The following IGDCC4 variants were observed in gnomAD, a reference collection of about 807,000 sequenced individuals.
The protein encoded by IGDCC4 is likely ortholog of mouse neighbor of Punc E11.
In IGDCC4, 72 loss-of-function variants were observed where a neutral mutation model predicts 116.6. That is an observed-to-expected ratio of 0.62 (90% CI 0.51 to 0.75). IGDCC4 has a LOEUF of 0.75. Among genes scored for constraint, IGDCC4 ranks in the 30% least tolerant of loss-of-function variants. The pLI is 0.00. For synonymous variants in IGDCC4, 709 were observed against 719.9 expected, an observed-to-expected ratio of 0.98 and a Z score of 0.24; for missense variants, 1,501 against 1,662.4, an observed-to-expected ratio of 0.90 and a Z score of 1.69.
At chr15:65,388,717 C>T (rs1362697430) in intron 15 of IGDCC4, 91 bp downstream of exon 15, 8 of 1,595,824 alleles carry the variant, frequency 5.0e-6, no homozygotes, top group Non-Finnish European at 6.8e-6. Flanking sequence ...TCCCAGTAGC[C>T]CCTGGAACAA....
intron 5 of IGDCC4, among the ~76,000 whole-genome samples, chr15:65,400,519 C>G (rs773023108): frequency 5.3e-5 from 8 of 152,198 alleles, no homozygotes; most frequent in Non-Finnish European, 1.2e-4. Flanking sequence ...GGTGGAGAAC[C>G]TAGCTCAGCA....
chr15:65,399,522 A>G (rs1262469460), intron 5 of IGDCC4, among the ~76,000 whole-genome samples: 2 of 151,900 alleles, frequency 1.3e-5, no homozygotes, highest in East Asian at 1.9e-4. Flanking sequence ...TGCAGTTTTA[A>G]TAAGTCCCCT....
chr15:65,412,965 A>G (rs2140236222), intron 1 of IGDCC4, among the ~76,000 whole-genome samples: 1 of 151,928 alleles, frequency 6.6e-6, no homozygotes, highest in East Asian at 1.9e-4. Context: ...ACACACACAC[A>G]CAGGCTAGAA....
chr15:65,411,299 C>T lies in IGDCC4; in HGVS notation c.142G>A (p.Gly48Ser), dbSNP rs774052493. Residue 48 changes from glycine to serine, a missense_variant, in exon 2 of 20, where the codon GGC becomes AGC. This residue lies in a region of IGDCC4 where 898 missense variants were observed against 978.9 expected (regional missense o/e 0.92). Coordinates refer to ENST00000352385, the MANE Select transcript of IGDCC4 (RefSeq NM_020962.3). Reference protein sequence around the residue: ...CGVGPLQVILGPEQAAVLNCS... With the variant: ...CGVGPLQVILSPEQAAVLNCS... The stretch of plus-strand genomic sequence containing the variant: ...TTTAGCACTGCAGCCTGCTCTGGGC[C>T]CAGGATCACTTGCAGTGGCCCCACT... 2 of 1,610,930 alleles carry T rather than the reference C, an allele frequency of 1.2e-6. No individual in the cohort carries two copies. The highest frequency in any genetic ancestry group is 2.2e-5 in the East Asian group (1 of 44,808).
At chr15:65,414,025 AAACATAGCTCTGCACTCCTAAAC>A in intron 1 of IGDCC4, among the ~76,000 whole-genome samples, 1 of 152,244 alleles carries the variant, frequency 6.6e-6, no homozygotes, top group East Asian at 1.9e-4. Context: ...ACAAATTGGT[AAACATAGCTCTGCACTCCTAAAC>A]ACATGCGCCT....
rs926919757 is a variant in IGDCC4, at chr15:65,384,875, C to G, written c.3342+79G>C. The stretch of plus-strand genomic sequence containing the variant: ...CAGGAAAGTTACCACCCAGGGGTCT[C>G]CAGAGAACTCATTACTTCCTCTTCA... On this transcript the variant is annotated intron_variant, in intron 19 of 19. Coordinates refer to ENST00000352385, the MANE Select transcript of IGDCC4 (RefSeq NM_020962.3). This position sits in a 1 kb window ranked among gnomAD's most constrained non-coding sequence, Gnocchi z 4.9. 98 of 1,524,826 alleles carry G rather than the reference C, an allele frequency of 6.4e-5. No individual in the cohort carries two copies. The South Asian group carries it at 1.2e-3, about 18-fold the overall frequency. 94.5% of individuals were successfully genotyped at this position (1,524,826 alleles called of 1,614,324 possible).
chr15:65,392,737 G>A (rs1430699842), intron 10 of IGDCC4, among the ~76,000 whole-genome samples: 1 of 152,316 alleles, frequency 6.6e-6, no homozygotes, highest in Non-Finnish European at 1.5e-5. Context: ...GGCAGTGGGG[G>A]TGGTGGTTGC....
At chr15:65,389,191 A>C (rs1265588101) in intron 14 of IGDCC4, 93 bp downstream of exon 14, 1 of 1,542,678 alleles carries the variant, frequency 6.5e-7, no homozygotes, top group African/African-American at 1.4e-5. Context: ...GCTCTGCCCA[A>C]ACCTTGGGGT....
At chr15:65,396,695 CT>C in intron 6 of IGDCC4, 138 bp downstream of exon 6, 1 of 1,110,370 alleles carries the variant, frequency 9.0e-7, no homozygotes, top group African/African-American at 1.6e-5. Context: ...CCACCTCCGC[CT>C]TACTAGGGAC....
At chr15:65,392,723 T>C (rs1359649516) in intron 10 of IGDCC4, among the ~76,000 whole-genome samples, 1 of 151,914 alleles carries the variant, frequency 6.6e-6, no homozygotes, top group African/African-American at 2.4e-5. Context: ...GATCAAACAC[T>C]GGGGGCAGTG....
At chr15:65,405,569 A>G (rs958058186) in intron 3 of IGDCC4, among the ~76,000 whole-genome samples, 3 of 74,358 alleles carry the variant, frequency 4.0e-5, no homozygotes, top group Admixed American at 2.5e-4. Flanking sequence ...TGACCCTCTT[A>G]TTGTGTTTTG....
At chr15:65,399,259 C>CT (rs2062960044) in intron 5 of IGDCC4, among the ~76,000 whole-genome samples, 1 of 151,836 alleles carries the variant, frequency 6.6e-6, no homozygotes, top group African/African-American at 2.4e-5. Flanking sequence ...TTGTTTAAGC[C>CT]CAGGAGTTTG....
intron 1 of IGDCC4, among the ~76,000 whole-genome samples, chr15:65,414,930 A>C (rs1219444849): frequency 6.6e-6 from 1 of 152,078 alleles, no homozygotes; most frequent in Non-Finnish European, 1.5e-5. Flanking sequence ...TGGAAGATCC[A>C]GTGCTCTGGA....
chr15:65,413,010 A>G (rs1028137646), intron 1 of IGDCC4, among the ~76,000 whole-genome samples: 2 of 144,814 alleles, frequency 1.4e-5, no homozygotes, highest in Non-Finnish European at 3.0e-5. Flanking sequence ...AAAATGTATT[A>G]TAAGTGTGAG....
intron 18 of IGDCC4, chr15:65,385,540 G>GCTCT (rs2091447408): frequency 3.5e-6 from 2 of 563,890 alleles, no homozygotes; most frequent in African/African-American, 3.8e-5. Context: ...GGGTCTCAGA[G>GCTCT]GTCTCCCCAG....
intron 1 of IGDCC4, among the ~76,000 whole-genome samples, chr15:65,417,004 G>T (rs2063151243): frequency 6.6e-6 from 1 of 152,114 alleles, no homozygotes; most frequent in African/African-American, 2.4e-5. Flanking sequence ...CGTGTAGCTG[G>T]GGGAGGGGAA....
In IGDCC4 at chr15:65,395,132, C is replaced by A. The variant is rs767480210; in HGVS notation, c.1538G>T (p.Arg513Leu). 2 of 1,613,506 alleles carry A rather than the reference C, an allele frequency of 1.2e-6. No homozygotes were observed. Among genetic ancestry groups the A allele is most frequent in the Non-Finnish European group, 1.7e-6 (2 of 1,179,586 alleles). ...VVAYSQLGAS[R>L]TSTPALVHTL... Reference sequence around the variant, plus strand: ...GTGCACCAGTGCTGGGGTGGAGGTGCGGCTGGCTCCCAGCTGGGAGTAGGC... The same window carrying A: ...GTGCACCAGTGCTGGGGTGGAGGTGAGGCTGGCTCCCAGCTGGGAGTAGGC... The change falls in exon 8 of 20, where the codon CGC becomes CTC. Residue 513 changes from arginine to leucine, a missense_variant. Transcript: ENST00000352385.
chr15:65,399,434 C>G (rs1178212194), intron 5 of IGDCC4, among the ~76,000 whole-genome samples: 1 of 141,476 alleles, frequency 7.1e-6, no homozygotes, highest in Non-Finnish European at 1.5e-5. Flanking sequence ...TGCACTCCAG[C>G]CTGGGTGACA....
At chr15:65,422,143 C>G (rs2063197851) in intron 1 of IGDCC4, among the ~76,000 whole-genome samples, 1 of 152,050 alleles carries the variant, frequency 6.6e-6, no homozygotes, top group Non-Finnish European at 1.5e-5. Context: ...TTTTGGGGAG[C>G]AACACCTCCC....
Sources: allele counts gnomAD v4.1 joint callset (sites outside exome capture counted in the v4.1 genomes callset), GRCh38; gene constraint gnomAD v4.1.1; regional missense constraint gnomAD v4.1.1; non-coding constraint Gnocchi (gnomAD v3.1); transcripts MANE v1.5; gene names NCBI Gene and HGNC (gene_info 2026-07-23, HGNC 2026-07-21).